The following HCN4 variants were observed in gnomAD, a reference collection of about 807,000 sequenced individuals.
HCN4 encodes potassium/sodium hyperpolarization-activated cyclic nucleotide-gated channel 4.
In HCN4, 29 loss-of-function variants were observed where a neutral mutation model predicts 76.9. That is an observed-to-expected ratio of 0.38 (90% CI 0.28 to 0.51). The LOEUF (loss-of-function observed/expected upper bound fraction) is 0.51, where lower values mean the gene tolerates loss of function less well. Among genes scored for constraint, HCN4 ranks in the 20% least tolerant of loss-of-function variants. The pLI, the probability that HCN4 is intolerant of heterozygous loss-of-function variation, is 0.90. For synonymous variants in HCN4, 772 were observed against 762.5 expected (o/e 1.01, Z -0.21); for missense variants, 1,416 against 1,715.2 (o/e 0.83, Z 3.08).
rs1161776375 is a variant in HCN4, at chr15:73,324,179, T to G, written c.2053A>C (p.Ser685Arg). 6.2e-7 allele frequency: 1 copy of G among 1,614,008 alleles called. No individual in the cohort carries two copies. Among genetic ancestry groups the G allele is most frequent in the Non-Finnish European group, 8.5e-7 (1 of 1,180,018 alleles). ...ADTYCRLYSL[S>R]VDNFNEVLEE... ...AGCACCTCATTGAAGTTGTCCACGCTCAGCGAGTAGAGGCGGCAGTAGGTG... is the reference window on the plus strand; with the variant it reads ...AGCACCTCATTGAAGTTGTCCACGCGCAGCGAGTAGAGGCGGCAGTAGGTG... Residue 685 changes from serine to arginine, a missense_variant, in exon 7 of 8, where the codon AGC (serine) becomes CGC (arginine). Around this residue, in one of 6 missense-constraint regions of HCN4, gnomAD observed 241 missense variants for 379.4 expected, o/e 0.64. Transcript: ENST00000261917.
In HCN4 at chr15:73,329,919, C is replaced by T. The variant is rs1373695060; in HGVS notation, c.1372-128G>A. ...GTGGCTGGGCCCAGGGCTCCCTAACCTTGCTGTTGGCTGAAAGCCTTGGGT... is the reference window on the plus strand; with the variant it reads ...GTGGCTGGGCCCAGGGCTCCCTAACTTTGCTGTTGGCTGAAAGCCTTGGGT... On this transcript the variant is annotated intron_variant, in intron 3 of 7. Coordinates refer to ENST00000261917, the MANE Select transcript of HCN4 (RefSeq NM_005477.3). 8.0e-6 allele frequency: 6 copies of T among 748,012 alleles called. No individual in the cohort carries two copies. In the Middle Eastern group the frequency reaches 1.9e-3, roughly 232 times the overall value. The allele number at this position is 748,012 out of a possible 1,614,324, so 46.3% of individuals were successfully genotyped here.
In HCN4 at chr15:73,368,020, G is replaced by T; in HGVS notation, c.251C>A (p.Ala84Glu). The T allele has an allele frequency of 7.0e-7, 1 of 1,419,604 alleles. No homozygotes were observed. Among genetic ancestry groups the T allele is most frequent in the South Asian group, 1.5e-5 (1 of 68,328 alleles). 87.9% of individuals were successfully genotyped at this position (1,419,604 alleles called of 1,614,324 possible). Residue 84 changes from alanine to glutamate, a missense_variant, in exon 1 of 8, where the codon GCG (alanine) becomes GAG (glutamate). Physicochemically the swap from Ala to Glu is moderately radical, Grantham distance 107. This residue lies in a region of HCN4 where 355 missense variants were observed against 347.8 expected (regional missense o/e 1.02). Transcript: ENST00000261917. This position sits in a 1 kb window ranked among gnomAD's most constrained non-coding sequence, Gnocchi z 6.9. ...GTCGCCGTTCGTGCTGGACTTGCCCGCGCCGCGGGCCGGCCCTTCGCTGTC... is the reference window on the plus strand; with the variant it reads ...GTCGCCGTTCGTGCTGGACTTGCCCTCGCCGCGGGCCGGCCCTTCGCTGTC... The part of the protein sequence containing the change: ...AADSEGPARG[A>E]GKSSTNGDCR...
At position 73,343,941 on chromosome 15, in the gene HCN4, T is replaced by G. The variant is rs1314271617; in HGVS notation, c.786-133A>C. The G allele has an allele frequency of 1.2e-6, 1 of 867,120 alleles. No homozygotes were observed. 53.7% of individuals were successfully genotyped at this position (867,120 alleles called of 1,614,324 possible). A position where few individuals can be genotyped will look rare whatever the true frequency, so the allele number is the denominator to read the frequency against. ...GTTCTGAGACAGGAAGACAGGCACA[T>G]GGGTACCAGGGCAAGATGTGGAGAT... On this transcript the variant is annotated intron_variant, in intron 1 of 7. Transcript: ENST00000261917. This position sits in a 1 kb window ranked among gnomAD's most constrained non-coding sequence, Gnocchi z 5.7.
At chr15:73,337,096 T>C (rs1326792483) in intron 2 of HCN4, among the ~76,000 whole-genome samples, 1 of 152,186 alleles carries the variant, frequency 6.6e-6, no homozygotes, top group Admixed American at 6.5e-5. Context: ...CTCCAGCTCC[T>C]TCTTGTCATC....
In HCN4 at chr15:73,346,390, G is replaced by A. The variant is rs75194605; in HGVS notation, c.786-2582C>T. On this transcript the variant is annotated intron_variant, in intron 1 of 7. Transcript: ENST00000261917. ...ATTTCTGTCAAATGCTCTGACCTAT[G>A]CCCAGCTACATTATGAAATGAGTAA... Among the ~76,000 whole-genome samples, 792 of 152,252 alleles carry A rather than the reference G, an allele frequency of 5.2e-3. 5 individuals carry two copies. The highest frequency in any genetic ancestry group is 0.017 in the African/African-American group (718 of 41,538).
chr15:73,338,974 T>C (rs544842891), intron 2 of HCN4, among the ~76,000 whole-genome samples: 3 of 152,316 alleles, frequency 2.0e-5, no homozygotes, highest in South Asian at 2.1e-4. Context: ...GATTCTGAGA[T>C]GAGGCAATCA....
rs148605312 is a variant in HCN4 at position 73,361,786 on chromosome 15, C to T, written c.785+5700G>A. Among the ~76,000 whole-genome samples, 1,201 of 152,314 alleles carry T rather than the reference C, an allele frequency of 7.9e-3. 11 individuals carry two copies. The highest frequency in any genetic ancestry group is 0.026 in the African/African-American group (1,098 of 41,580). On this transcript the variant is annotated intron_variant, in intron 1 of 7. Coordinates refer to ENST00000261917, the MANE Select transcript of HCN4 (RefSeq NM_005477.3). The stretch of plus-strand genomic sequence containing the variant: ...GACAAGCAAGCCCAGCCCCCAGGGG[C>T]GGCTGCTGGCCATAGCCTGGGGCAG...
intron 1 of HCN4, among the ~76,000 whole-genome samples, chr15:73,364,484 G>A (rs1208726582): frequency 1.3e-5 from 2 of 152,212 alleles, no homozygotes; most frequent in East Asian, 3.8e-4. Flanking sequence ...GACACAGCTT[G>A]TGTGGAAGGA....
At chr15:73,348,950 C>G (rs1188744836) in intron 1 of HCN4, among the ~76,000 whole-genome samples, 1 of 152,228 alleles carries the variant, frequency 6.6e-6, no homozygotes, top group Non-Finnish European at 1.5e-5. Flanking sequence ...CATCATCCTC[C>G]TCAAAGCTGA....
At position 73,322,718 on chromosome 15, in the gene HCN4, G is replaced by A; in HGVS notation, c.3375C>T (p.Gly1125=). ...CCCCGCTGCTCCCACTGCCCCCGCTGCCACCCCCAGCCCTGGGGAAGAGCG... is the reference window on the plus strand; with the variant it reads ...CCCCGCTGCTCCCACTGCCCCCGCTACCACCCCCAGCCCTGGGGAAGAGCG... ...AFPLFPRAGG[G]SGGSGSSGGL... The change falls in exon 8 of 8, where the codon GGC becomes GGT. Residue 1125 remains glycine (G), a synonymous_variant. Coordinates refer to ENST00000261917, the MANE Select transcript of HCN4 (RefSeq NM_005477.3). The A allele has an allele frequency of 6.4e-7, 1 of 1,564,408 alleles. No homozygotes were observed. Among genetic ancestry groups the A allele is most frequent in the Non-Finnish European group, 8.7e-7 (1 of 1,154,802 alleles).
Position 73,368,281 on chromosome 15 carries a change from G to T in HCN4, c.-11C>A. On this transcript the variant is annotated 5_prime_UTR_variant, in exon 1 of 8. Coordinates refer to ENST00000261917, the MANE Select transcript of HCN4 (RefSeq NM_005477.3). The surrounding 1 kb of genome is among the most constrained non-coding windows in gnomAD (Gnocchi z 6.9). ...CGGCAGCTTGTCCATGGCGCCAGGGGCCGGGGTCGGACCGGGCCGGGGGCA... is the reference window on the plus strand; with the variant it reads ...CGGCAGCTTGTCCATGGCGCCAGGGTCCGGGGTCGGACCGGGCCGGGGGCA... The T allele has an allele frequency of 1.4e-6, 2 of 1,480,538 alleles. No homozygotes were observed. Among genetic ancestry groups the T allele is most frequent in the South Asian group, 1.3e-5 (1 of 78,714 alleles). 91.7% of individuals were successfully genotyped at this position (1,480,538 alleles called of 1,614,324 possible).
chr15:73,339,161 T>C (rs2042983399), intron 2 of HCN4, among the ~76,000 whole-genome samples: 1 of 152,176 alleles, frequency 6.6e-6, no homozygotes, highest in Admixed American at 6.5e-5. Context: ...CCATGGTTTC[T>C]AACAATAGCC....
chr15:73,341,537 A>G (rs571278936), intron 2 of HCN4, among the ~76,000 whole-genome samples: 1 of 152,228 alleles, frequency 6.6e-6, no homozygotes, highest in Non-Finnish European at 1.5e-5. Flanking sequence ...GCAGATAAAG[A>G]GACTGAGGCA....
chr15:73,358,808 C>CA (rs1254629336), intron 1 of HCN4, among the ~76,000 whole-genome samples: 1 of 152,194 alleles, frequency 6.6e-6, no homozygotes, highest in Non-Finnish European at 1.5e-5. Context: ...AGATCCAGCT[C>CA]AGAGTCACTT....
In HCN4 at chr15:73,322,712, C is replaced by G. The variant is rs1318015269; in HGVS notation, c.3381G>C (p.Gly1127=). 6.4e-7 allele frequency: 1 copy of G among 1,566,184 alleles called. No homozygotes were observed. Among genetic ancestry groups the G allele is most frequent in the South Asian group, 1.2e-5 (1 of 85,598 alleles). Residue 1127 remains glycine, a synonymous_variant, in exon 8 of 8, where the codon GGG becomes GGC. Transcript: ENST00000261917. ...CGAGGCCCCCGCTGCTCCCACTGCCCCCGCTGCCACCCCCAGCCCTGGGGA... is the reference window on the plus strand; with the variant it reads ...CGAGGCCCCCGCTGCTCCCACTGCCGCCGCTGCCACCCCCAGCCCTGGGGA... ...PLFPRAGGGS[G]GSGSSGGLGP...
chr15:73,351,381 A>G (rs1172249635), intron 1 of HCN4, among the ~76,000 whole-genome samples: 2 of 152,142 alleles, frequency 1.3e-5, no homozygotes, highest in African/African-American at 4.8e-5. Flanking sequence ...CCACTTGCTG[A>G]CTACATGTCT....
intron 1 of HCN4, among the ~76,000 whole-genome samples, chr15:73,355,041 G>A (rs2043071726): frequency 6.6e-6 from 1 of 152,240 alleles, no homozygotes; most frequent in African/African-American, 2.4e-5. Flanking sequence ...CCAGAGGGGA[G>A]GAGAAATTCA....
At chr15:73,366,842 C>A (rs2043130396) in intron 1 of HCN4, among the ~76,000 whole-genome samples, 3 of 152,248 alleles carry the variant, frequency 2.0e-5, no homozygotes, top group African/African-American at 7.2e-5. Flanking sequence ...TCACTATGAG[C>A]AAGGTCATTC....
chr15:73,323,924 G>A lies in HCN4; in HGVS notation c.2169C>T (p.His723=). 6.2e-7 allele frequency: 1 copy of A among 1,604,388 alleles called. No individual in the cohort carries two copies. Among genetic ancestry groups the A allele is most frequent in the Non-Finnish European group, 8.5e-7 (1 of 1,179,946 alleles). ...CGGAGTTGAGGTCGTGCTGGACTTT[G>A]TGGAGGAGGATGGAGTTCTTCTTGC... ...RIGKKNSILL[H]KVQHDLNSGV... Residue 723 remains histidine (H), a synonymous_variant, in exon 8 of 8, where the codon CAC becomes CAT. Transcript: ENST00000261917.
Sources: gnomAD v4.1 joint callset for allele counts (sites outside exome capture counted in the v4.1 genomes callset) on GRCh38, gnomAD v4.1.1 for gene constraint, gnomAD v4.1.1 regional missense constraint, Gnocchi (gnomAD v3.1) non-coding constraint, MANE v1.5 for transcripts, NCBI Gene and HGNC (gene_info 2026-07-23, HGNC 2026-07-21) for gene names.